Variants in IARS2 observed in about 807,000 individuals in gnomAD.
The protein encoded by IARS2 is isoleucine--tRNA ligase, mitochondrial.
Under a neutral mutation model 126.3 loss-of-function variants are expected in IARS2, and 56 were observed. The observed-to-expected ratio is 0.44, with a 90% CI of 0.36 to 0.55. IARS2 has a LOEUF of 0.55. Among genes scored for constraint, IARS2 ranks in the 20% least tolerant of loss-of-function variants. The pLI is 0.00. For missense variants in IARS2, 1,127 were observed against 1,245.9 expected, an observed-to-expected ratio of 0.90 and a Z score of 1.44; for synonymous variants, 407 against 441.1, an observed-to-expected ratio of 0.92 and a Z score of 0.97.
intron 22 of IARS2, among the ~76,000 whole-genome samples, chr1:220,146,369 T>C (rs1353875736): frequency 6.6e-6 from 1 of 151,736 alleles, no homozygotes; most frequent in African/African-American, 2.4e-5. Context: ...ACAAAAAAAA[T>C]TAGCCAGGCG....
At chr1:220,118,490 GT>G (rs1449413671) in intron 12 of IARS2, among the ~76,000 whole-genome samples, 2 of 152,008 alleles carry the variant, frequency 1.3e-5, no homozygotes, top group South Asian at 4.1e-4. Flanking sequence ...TTTTGAATCT[GT>G]GAGATAATGC....
intron 2 of IARS2, among the ~76,000 whole-genome samples, chr1:220,099,153 A>C (rs1256919951): frequency 1.3e-5 from 2 of 150,572 alleles, no homozygotes; most frequent in South Asian, 2.1e-4. Context: ...CAGAGGTTGC[A>C]GTGAGCCGAG....
In IARS2 at chr1:220,110,789, T is replaced by C; in HGVS notation, c.1331T>C (p.Ile444Thr). Residue 444 changes from isoleucine (I) to threonine (T), a missense_variant, in exon 11 of 23, where the codon ATA (isoleucine) becomes ACA (threonine). Transcript: ENST00000366922. ...AVLEEGTDVV[I>T]KMLQTAKNLL... ...TTTGGTGTTTTTTTTTTTAAAGTTA[T>C]AAAGATGCTTCAGACTGCAAAGAAT... The C allele has an allele frequency of 1.0e-5, 16 of 1,590,792 alleles. No individual in the cohort carries two copies. Among genetic ancestry groups the C allele is most frequent in the Non-Finnish European group, 1.2e-5 (14 of 1,166,916 alleles).
Position 220,102,423 on chromosome 1 carries a change from A to G in IARS2, c.749+11A>G, listed in dbSNP as rs772692964. On this transcript the variant is annotated intron_variant, in intron 5 of 22. Coordinates refer to ENST00000366922, the MANE Select transcript of IARS2 (RefSeq NM_018060.4). ...GTCTCCGTCATCTAGGTATATATGCATTTTTCGGTAATTAAAAGGGAGAAA... is the reference window on the plus strand; with the variant it reads ...GTCTCCGTCATCTAGGTATATATGCGTTTTTCGGTAATTAAAAGGGAGAAA... 4 of 1,613,256 alleles carry G rather than the reference A, an allele frequency of 2.5e-6. No homozygotes were observed. Among genetic ancestry groups the G allele is most frequent in the East Asian group, 2.2e-5 (1 of 44,852 alleles).
intron 21 of IARS2, chr1:220,143,820 G>T (rs1209595866): frequency 1.5e-5 from 7 of 480,426 alleles, no homozygotes; most frequent in East Asian, 3.3e-5. Context: ...ATTTTTAGGG[G>T]TTGATTGGCC....
intron 12 of IARS2, chr1:220,118,297 G>A (rs1363092390): frequency 5.9e-6 from 2 of 340,814 alleles, no homozygotes; most frequent in Non-Finnish European, 1.2e-5. Context: ...ATATCTCTAA[G>A]TATACTTGTT....
chr1:220,101,557 C>A (rs1427445098), intron 3 of IARS2, among the ~76,000 whole-genome samples: 1 of 151,980 alleles, frequency 6.6e-6, no homozygotes, highest in Non-Finnish European at 1.5e-5. Context: ...AAATAATTAG[C>A]CAGGTATGGT....
chr1:220,115,035 C>T (rs1348887089), intron 12 of IARS2, among the ~76,000 whole-genome samples: 1 of 151,610 alleles, frequency 6.6e-6, no homozygotes, highest in Admixed American at 6.6e-5. Flanking sequence ...CTTTTTCCTA[C>T]TCCAGGTATC....
At chr1:220,097,098 T>A (rs937697331) in intron 2 of IARS2, among the ~76,000 whole-genome samples, 16 of 152,126 alleles carry the variant, frequency 1.1e-4, no homozygotes, top group Non-Finnish European at 1.5e-4. Flanking sequence ...AAAACTCTAT[T>A]ATTTCAAACC....
Position 220,102,193 on chromosome 1 carries a change from G to T in IARS2, c.615G>T (p.Met205Ile), listed in dbSNP as rs1656592046. The T allele has an allele frequency of 2.5e-6, 4 of 1,611,568 alleles. No individual in the cohort carries two copies. In the South Asian group the frequency reaches 4.4e-5, roughly 18 times the overall value. The part of the protein sequence containing the change: ...QKSAFIRWGI[M>I]ADWNNCYYTF... ...CAGCATTTATTCGTTGGGGAATAATGGCAGATTGGAATAATTGCTACTATA... is the reference window on the plus strand; with the variant it reads ...CAGCATTTATTCGTTGGGGAATAATTGCAGATTGGAATAATTGCTACTATA... The change falls in exon 4 of 23, where the codon ATG becomes ATT. Residue 205 changes from methionine to isoleucine, a missense_variant. Transcript: ENST00000366922.
At chr1:220,096,006 T>C in intron 1 of IARS2, 98 bp from the exon 2 acceptor site, 9 of 674,260 alleles carry the variant, frequency 1.3e-5, no homozygotes, top group Non-Finnish European at 2.2e-5. Flanking sequence ...TGGAATGTAA[T>C]TGGAATGGAA....
intron 11 of IARS2, 148 bp downstream of exon 11, chr1:220,111,085 G>A (rs1656790971): frequency 4.0e-6 from 3 of 751,294 alleles, no homozygotes; most frequent in Non-Finnish European, 6.2e-6. Context: ...TTTTAGATCT[G>A]GAAGGACCTT....
At chr1:220,122,603 C>T (rs1657071895) in intron 12 of IARS2, among the ~76,000 whole-genome samples, 3 of 152,084 alleles carry the variant, frequency 2.0e-5, no homozygotes, top group Admixed American at 2.0e-4. Context: ...TTTAAGGAAC[C>T]CTAAGGTGCA....
intron 11 of IARS2, among the ~76,000 whole-genome samples, chr1:220,111,413 A>C (rs1438859586): frequency 6.6e-6 from 1 of 152,180 alleles, no homozygotes; most frequent in African/African-American, 2.4e-5. Flanking sequence ...TCAATTAAAA[A>C]AGTTACTGTT....
chr1:220,119,801 A>C (rs1407846794), intron 12 of IARS2, among the ~76,000 whole-genome samples: 1 of 152,104 alleles, frequency 6.6e-6, no homozygotes, highest in Admixed American at 6.5e-5. Flanking sequence ...ATGTCAGCTT[A>C]GCTCTTAATG....
At chr1:220,127,237 T>C (rs1033160226) in intron 14 of IARS2, among the ~76,000 whole-genome samples, 1 of 152,192 alleles carries the variant, frequency 6.6e-6, no homozygotes, top group Non-Finnish European at 1.5e-5. Flanking sequence ...CCAAATTAGG[T>C]GATGGTCACA....
intron 2 of IARS2, among the ~76,000 whole-genome samples, chr1:220,098,964 G>A (rs1375759587): frequency 3.3e-5 from 5 of 152,034 alleles, no homozygotes; most frequent in African/African-American, 1.2e-4. Flanking sequence ...TGTAATCCCA[G>A]CACTTTGGGA....
At chr1:220,138,119 G>A (rs904193086) in intron 17 of IARS2, 76 bp downstream of exon 17, 15 of 1,484,702 alleles carry the variant, frequency 1.0e-5, no homozygotes, top group African/African-American at 9.8e-5. Context: ...GACACATTTT[G>A]TTTGGAACTG....
Position 220,102,421 on chromosome 1 carries a change from G to A in IARS2, c.749+9G>A. 6.2e-7 allele frequency: 1 copy of A among 1,613,046 alleles called. No homozygotes were observed. The highest frequency in any genetic ancestry group is 8.5e-7 in the Non-Finnish European group (1 of 1,179,544). On this transcript the variant is annotated intron_variant, in intron 5 of 22. Transcript: ENST00000366922. ...TGGTCTCCGTCATCTAGGTATATAT[G>A]CATTTTTCGGTAATTAAAAGGGAGA...
Sources: allele counts gnomAD v4.1 joint callset (sites outside exome capture counted in the v4.1 genomes callset), GRCh38; gene constraint gnomAD v4.1.1; transcripts MANE v1.5; gene names NCBI Gene and HGNC (gene_info 2026-07-23, HGNC 2026-07-21).